The following FAM181B variants were observed in gnomAD, a reference collection of about 807,000 sequenced individuals.
FAM181B encodes protein FAM181B.
A neutral mutation model predicts 17.8 loss-of-function variants in FAM181B; 13 were observed. The ratio of observed to expected loss-of-function variants is 0.73; its 90% CI spans 0.48 to 1.16. The LOEUF (loss-of-function observed/expected upper bound fraction) is 1.16, where lower values mean the gene tolerates loss of function less well. FAM181B is among the 50% of genes most tolerant of loss of function. FAM181B has a pLI of 0.00. For synonymous variants in FAM181B, 338 were observed against 316.5 expected, an observed-to-expected ratio of 1.07 and a Z score of -0.72; for missense variants, 725 against 634.1, an observed-to-expected ratio of 1.14 and a Z score of -1.54.
rs191147873 is a variant in FAM181B, at chr11:82,730,444, A to G, written c.*2005T>C. 6.6e-6 allele frequency: 1 copy of G among 152,394 alleles called. No homozygotes were observed. 9.4% of individuals were successfully genotyped at this position (152,394 alleles called of 1,614,324 possible). On this transcript the variant is annotated 3_prime_UTR_variant, in exon 1 of 1. Transcript: ENST00000329203. ...AACATTACAATGACACTATAGTCTTAGTAACAGTCACAGGGTTATTAATGT... is the reference window on the plus strand; with the variant it reads ...AACATTACAATGACACTATAGTCTTGGTAACAGTCACAGGGTTATTAATGT...
chr11:82,730,567 C>T lies in FAM181B; in HGVS notation c.*1882G>A, dbSNP rs554902800. On this transcript the variant is annotated 3_prime_UTR_variant, in exon 1 of 1. Coordinates refer to ENST00000329203, the MANE Select transcript of FAM181B (RefSeq NM_175885.4). ...ATTCTGTTAGCACAATGGAATTAAT[C>T]ACCTTTAACCACTTTGGAAGAAATC... 2 of 152,308 alleles carry T rather than the reference C, an allele frequency of 1.3e-5. No homozygotes were observed. Among genetic ancestry groups the T allele is most frequent in the South Asian group, 2.1e-4 (1 of 4,824 alleles). 9.4% of individuals were successfully genotyped at this position (152,308 alleles called of 1,614,324 possible).
Position 82,733,473 on chromosome 11 carries a change from T to G in FAM181B, c.257A>C (p.Lys86Thr), listed in dbSNP as rs757934980. The change falls in exon 1 of 1, where the codon AAG becomes ACG. Residue 86 changes from lysine to threonine, a missense_variant. Physicochemically the swap from Lys to Thr is moderately conservative, Grantham distance 78 (BLOSUM62 -1). Transcript: ENST00000329203. Reference protein sequence around the residue: ...NIKLALDKPGKSKRKVNHRKY... With the variant: ...NIKLALDKPGTSKRKVNHRKY... The stretch of plus-strand genomic sequence containing the variant: ...GCGGTGGTTCACCTTCCGCTTCGAC[T>G]TGCCCGGCTTGTCCAGCGCCAGCTT... 1 of 1,600,986 alleles carries G rather than the reference T, an allele frequency of 6.2e-7. No homozygotes were observed. The highest frequency in any genetic ancestry group is 8.5e-7 in the Non-Finnish European group (1 of 1,174,686).
At position 82,733,111 on chromosome 11, in the gene FAM181B, C is replaced by G; in HGVS notation, c.619G>C (p.Gly207Arg). Residue 207 changes from glycine to arginine, a missense_variant, in exon 1 of 1, where the codon GGC (glycine) becomes CGC (arginine). Transcript: ENST00000329203. ...GGGATCGCCGTGGCCCCCGCGGGGC[C>G]TGCCACGTCCCCTCCCGCGCCCCCA... is the stretch of plus-strand genomic sequence containing the variant. ...GTGGAGGDVAGPAGATAIPGA... is the reference protein window; with the variant it reads ...GTGGAGGDVARPAGATAIPGA... 1 of 1,473,862 alleles carries G rather than the reference C, an allele frequency of 6.8e-7. No homozygotes were observed. The highest frequency in any genetic ancestry group is 8.9e-7 in the Non-Finnish European group (1 of 1,122,228). The allele number at this position is 1,473,862 out of a possible 1,614,324, so 91.3% of individuals were successfully genotyped here. A position where few individuals can be genotyped will look rare whatever the true frequency, so the allele number is the denominator to read the frequency against.
chr11:82,733,540 G>A lies in FAM181B; in HGVS notation c.190C>T (p.Arg64Cys), dbSNP rs1424052231. ...AEGGDVREAT[R>C]DLLSFIDSAS... ...GAGTCAATGAAGCTGAGTAGATCGCGGGTGGCCTCGCGCACGTCCCCTCCT... is the reference window on the plus strand; with the variant it reads ...GAGTCAATGAAGCTGAGTAGATCGCAGGTGGCCTCGCGCACGTCCCCTCCT... Residue 64 changes from arginine to cysteine, a missense_variant, in exon 1 of 1, where the codon CGC (arginine) becomes TGC (cysteine). Transcript: ENST00000329203. 3.7e-6 allele frequency: 6 copies of A among 1,607,076 alleles called. No homozygotes were observed. The highest frequency in any genetic ancestry group is 5.1e-6 in the Non-Finnish European group (6 of 1,178,932).
Position 82,733,457 on chromosome 11 carries a change from C to A in FAM181B, c.273G>T (p.Val91=). 6.3e-7 allele frequency: 1 copy of A among 1,595,162 alleles called. No individual in the cohort carries two copies. Among genetic ancestry groups the A allele is most frequent in the Non-Finnish European group, 8.5e-7 (1 of 1,171,402 alleles). Residue 91 remains valine (V), a synonymous_variant, in exon 1 of 1, where the codon GTG becomes GTT. Coordinates refer to ENST00000329203, the MANE Select transcript of FAM181B (RefSeq NM_175885.4). ...GCTTCTGCAGGTACTTGCGGTGGTTCACCTTCCGCTTCGACTTGCCCGGCT... is the reference window on the plus strand; with the variant it reads ...GCTTCTGCAGGTACTTGCGGTGGTTAACCTTCCGCTTCGACTTGCCCGGCT... The part of the protein sequence containing the change: ...LDKPGKSKRK[V]NHRKYLQKQI...
Position 82,733,724 on chromosome 11 carries a change from C to T in FAM181B, c.6G>A (p.Ala2=), listed in dbSNP as rs1857173734. 2 of 1,414,686 alleles carry T rather than the reference C, an allele frequency of 1.4e-6. No homozygotes were observed. The highest frequency in any genetic ancestry group is 1.8e-6 in the Non-Finnish European group (2 of 1,085,032). The allele number at this position is 1,414,686 out of a possible 1,614,324, so 87.6% of individuals were successfully genotyped here. A position where few individuals can be genotyped will look rare whatever the true frequency, so the allele number is the denominator to read the frequency against. M[A]VQAALLSTHP... The stretch of plus-strand genomic sequence containing the variant: ...GCGTGCTGAGGAGCGCCGCCTGCAC[C>T]GCCATCGCCGCGGCTCCCGGGCTGT... The change falls in exon 1 of 1, where the codon GCG becomes GCA. Residue 2 remains alanine (A), a synonymous_variant. Coordinates refer to ENST00000329203, the MANE Select transcript of FAM181B (RefSeq NM_175885.4).
At position 82,732,825 on chromosome 11, in the gene FAM181B, T is replaced by G; in HGVS notation, c.905A>C (p.Glu302Ala). ...CGGCTCAAAGAGGCCGGGCTCCAGC[T>G]CCGGGGGTCCCCGCAGTACGGAGGC... ...AGASVLRGPP[E>A]LEPGLFEPPP... is the part of the protein sequence containing the mutation. Residue 302 changes from glutamate (E) to alanine (A), a missense_variant, in exon 1 of 1, where the codon GAG becomes GCG. Coordinates refer to ENST00000329203, the MANE Select transcript of FAM181B (RefSeq NM_175885.4). 3 of 1,524,776 alleles carry G rather than the reference T, an allele frequency of 2.0e-6. No individual in the cohort carries two copies. Among genetic ancestry groups the G allele is most frequent in the Non-Finnish European group, 2.6e-6 (3 of 1,135,454 alleles). 94.5% of individuals were successfully genotyped at this position (1,524,776 alleles called of 1,614,324 possible). A position where few individuals can be genotyped will look rare whatever the true frequency, so the allele number is the denominator to read the frequency against.
chr11:82,733,198 C>T lies in FAM181B; in HGVS notation c.532G>A (p.Gly178Ser). 1 of 1,328,922 alleles carries T rather than the reference C, an allele frequency of 7.5e-7. No homozygotes were observed. The highest frequency in any genetic ancestry group is 9.5e-7 in the Non-Finnish European group (1 of 1,047,788). The allele number at this position is 1,328,922 out of a possible 1,614,324, so 82.3% of individuals were successfully genotyped here. Residue 178 changes from glycine to serine, a missense_variant, in exon 1 of 1, where the codon GGT (glycine) becomes AGT (serine). Gly to Ser is a moderately conservative substitution (Grantham distance 56, BLOSUM62 0). Coordinates refer to ENST00000329203, the MANE Select transcript of FAM181B (RefSeq NM_175885.4). ...LFDSLRHVPG[G>S]AEPAGGEVAA... is the part of the protein sequence containing the mutation. Reference sequence around the variant, plus strand: ...ACCTCACCCCCCGCCGGCTCGGCACCCCCGGGGACGTGGCGCAGCGAGTCG... The same window carrying T: ...ACCTCACCCCCCGCCGGCTCGGCACTCCCGGGGACGTGGCGCAGCGAGTCG...
Position 82,733,668 on chromosome 11 carries a change from G to T in FAM181B, c.62C>A (p.Ser21Tyr). ...HPFVPFGFGG[S>Y]PDGLGGAFGA... ...GAAGGCGCCCCCTAGCCCGTCCGGG[G>T]AGCCCCCGAAGCCGAAGGGCACGAA... The change falls in exon 1 of 1, where the codon TCC becomes TAC. Residue 21 changes from serine (S) to tyrosine (Y), a missense_variant. Ser to Tyr is a moderately radical substitution (Grantham distance 144). Coordinates refer to ENST00000329203, the MANE Select transcript of FAM181B (RefSeq NM_175885.4). 1 of 1,557,940 alleles carries T rather than the reference G, an allele frequency of 6.4e-7. No homozygotes were observed. Among genetic ancestry groups the T allele is most frequent in the East Asian group, 2.4e-5 (1 of 41,384 alleles).
In FAM181B at chr11:82,733,804, TCCCGCCCCGG is replaced by T; in HGVS notation, c.-85_-76del. 1 of 1,162,792 alleles carries T rather than the reference TCCCGCCCCGG, an allele frequency of 8.6e-7. No homozygotes were observed. The highest frequency in any genetic ancestry group is 1.1e-6 in the Non-Finnish European group (1 of 935,126). The allele number at this position is 1,162,792 out of a possible 1,614,324, so 72.0% of individuals were successfully genotyped here. A position where few individuals can be genotyped will look rare whatever the true frequency, so the allele number is the denominator to read the frequency against. ...CTCCTGCCCGCCGCCCAGACCCAGC[TCCCGCCCCGG>T]CGCGGCGCGCGCGGCGCAGCCTACT... is the stretch of plus-strand genomic sequence containing the variant. On this transcript the variant is annotated 5_prime_UTR_variant, in exon 1 of 1. Coordinates refer to ENST00000329203, the MANE Select transcript of FAM181B (RefSeq NM_175885.4).
Position 82,732,362 on chromosome 11 carries a change from TC to T in FAM181B, c.*86del. Reference sequence around the variant, plus strand: ...TCTGGTTTCATCTCCACGTGCATTTTCCCATCGTTCTTCAGATTTAGGAGAA... The same window carrying T: ...TCTGGTTTCATCTCCACGTGCATTTTCCATCGTTCTTCAGATTTAGGAGAA... On this transcript the variant is annotated 3_prime_UTR_variant, in exon 1 of 1. Transcript: ENST00000329203. 3 of 1,285,168 alleles carry T rather than the reference TC, an allele frequency of 2.3e-6. No homozygotes were observed. The highest frequency in any genetic ancestry group is 3.2e-6 in the Non-Finnish European group (3 of 939,134). 79.6% of individuals were successfully genotyped at this position (1,285,168 alleles called of 1,614,324 possible). A position where few individuals can be genotyped will look rare whatever the true frequency, so the allele number is the denominator to read the frequency against.
At position 82,732,990 on chromosome 11, in the gene FAM181B, C is replaced by G; in HGVS notation, c.740G>C (p.Gly247Ala). Residue 247 changes from glycine (G) to alanine (A), a missense_variant, in exon 1 of 1, where the codon GGG becomes GCG. Transcript: ENST00000329203. ...RAGGGGCGPS[G>A]PDVSLGDLEK... ...CAGGTCGCCCAAGCTCACGTCCGGC[C>G]CCGACGGGCCACACCCGCCGCCGCC... is the stretch of plus-strand genomic sequence containing the variant. The G allele has an allele frequency of 6.4e-7, 1 of 1,560,384 alleles. No individual in the cohort carries two copies. The highest frequency in any genetic ancestry group is 8.6e-7 in the Non-Finnish European group (1 of 1,162,974).
Position 82,733,739 on chromosome 11 carries a change from T to G in FAM181B, c.-10A>C. 1 of 1,392,544 alleles carries G rather than the reference T, an allele frequency of 7.2e-7. No homozygotes were observed. Among genetic ancestry groups the G allele is most frequent in the Middle Eastern group, 2.3e-4 (1 of 4,408 alleles). 86.3% of individuals were successfully genotyped at this position (1,392,544 alleles called of 1,614,324 possible). ...CCGCCTGCACCGCCATCGCCGCGGC[T>G]CCCGGGCTGTCCGCAGCGCTGCCCG... On this transcript the variant is annotated 5_prime_UTR_variant, in exon 1 of 1. Coordinates refer to ENST00000329203, the MANE Select transcript of FAM181B (RefSeq NM_175885.4).
chr11:82,729,957 A>T lies in FAM181B; in HGVS notation c.*2492T>A, dbSNP rs575304886. Reference sequence around the variant, plus strand: ...AGACTGGGTAATTTATAAATGAAAGAGGTTTAATTGACTCACAGTTCCACA... The same window carrying T: ...AGACTGGGTAATTTATAAATGAAAGTGGTTTAATTGACTCACAGTTCCACA... On this transcript the variant is annotated 3_prime_UTR_variant, in exon 1 of 1. Transcript: ENST00000329203. 5.2e-4 allele frequency: 79 copies of T among 152,470 alleles called. No homozygotes were observed. Among genetic ancestry groups the T allele is most frequent in the African/African-American group, 1.9e-3 (79 of 41,586 alleles). The allele number at this position is 152,470 out of a possible 1,614,324, so 9.4% of individuals were successfully genotyped here.
rs1363170466 is a variant in FAM181B, at chr11:82,733,253, G to C, written c.477C>G (p.Ser159Arg). ...REASQAAAAA[S>R]LQSRSLAALF... ...GCGCGGCCAGACTTCGGCTTTGCAA[G>C]CTGGCGGCCGCGGCGGCCTGCGACG... is the stretch of plus-strand genomic sequence containing the variant. Residue 159 changes from serine (S) to arginine (R), a missense_variant, in exon 1 of 1, where the codon AGC becomes AGG. Ser to Arg is a moderately radical substitution (Grantham distance 110). Transcript: ENST00000329203. The C allele has an allele frequency of 4.9e-6, 6 of 1,232,518 alleles. No homozygotes were observed. The highest frequency in any genetic ancestry group is 6.1e-6 in the Non-Finnish European group (6 of 989,510). 76.3% of individuals were successfully genotyped at this position (1,232,518 alleles called of 1,614,324 possible).
At position 82,731,258 on chromosome 11, in the gene FAM181B, G is replaced by A. The variant is rs1190632262; in HGVS notation, c.*1191C>T. On this transcript the variant is annotated 3_prime_UTR_variant, in exon 1 of 1. Transcript: ENST00000329203. ...CACCTTTCTTTATGCCCTTCCGTGG[G>A]GAGAGTGTGGGTATAAGGACTGAGG... The A allele has an allele frequency of 1.3e-5, 2 of 152,248 alleles. No individual in the cohort carries two copies. The highest frequency in any genetic ancestry group is 2.9e-5 in the Non-Finnish European group (2 of 68,086). The allele number at this position is 152,248 out of a possible 1,614,324, so 9.4% of individuals were successfully genotyped here. A position where few individuals can be genotyped will look rare whatever the true frequency, so the allele number is the denominator to read the frequency against.
In FAM181B at chr11:82,732,702, C is replaced by T. The variant is rs1460394961; in HGVS notation, c.1028G>A (p.Gly343Asp). The T allele has an allele frequency of 2.7e-6, 4 of 1,458,390 alleles. No homozygotes were observed. In the East Asian group the frequency reaches 1.0e-4, roughly 37 times the overall value. 90.3% of individuals were successfully genotyped at this position (1,458,390 alleles called of 1,614,324 possible). A position where few individuals can be genotyped will look rare whatever the true frequency, so the allele number is the denominator to read the frequency against. Residue 343 changes from glycine to aspartate, a missense_variant, in exon 1 of 1, where the codon GGC (glycine) becomes GAC (aspartate). By Grantham distance (94) the Gly-to-Asp change is moderately conservative. Coordinates refer to ENST00000329203, the MANE Select transcript of FAM181B (RefSeq NM_175885.4). Reference protein sequence around the residue: ...KKSPLTAPRGGLTLNEPLSPL... With the variant: ...KKSPLTAPRGDLTLNEPLSPL... ...GCTCAAGGGCTCGTTCAAGGTCAAG[C>T]CGCCGCGGGGGGCAGTCAGGGGGCT...
At position 82,730,620 on chromosome 11, in the gene FAM181B, A is replaced by G. The variant is rs1857118264; in HGVS notation, c.*1829T>C. The G allele has an allele frequency of 2.0e-5, 3 of 152,244 alleles. No homozygotes were observed. Among genetic ancestry groups the G allele is most frequent in the Admixed American group, 2.0e-4 (3 of 15,284 alleles). 9.4% of individuals were successfully genotyped at this position (152,244 alleles called of 1,614,324 possible). A position where few individuals can be genotyped will look rare whatever the true frequency, so the allele number is the denominator to read the frequency against. ...ATAGACATTAGCTTTCTGGAGTTGC[A>G]AAAGTTCTTTTCATCATTAACAGTA... is the stretch of plus-strand genomic sequence containing the variant. On this transcript the variant is annotated 3_prime_UTR_variant, in exon 1 of 1. Transcript: ENST00000329203.
Position 82,732,354 on chromosome 11 carries a change from G to T in FAM181B, c.*95C>A. Reference sequence around the variant, plus strand: ...TTTAAAAATCTGGTTTCATCTCCACGTGCATTTTCCCATCGTTCTTCAGAT... The same window carrying T: ...TTTAAAAATCTGGTTTCATCTCCACTTGCATTTTCCCATCGTTCTTCAGAT... On this transcript the variant is annotated 3_prime_UTR_variant, in exon 1 of 1. Coordinates refer to ENST00000329203, the MANE Select transcript of FAM181B (RefSeq NM_175885.4). 1 of 1,196,808 alleles carries T rather than the reference G, an allele frequency of 8.4e-7. No individual in the cohort carries two copies. The highest frequency in any genetic ancestry group is 1.2e-6 in the Non-Finnish European group (1 of 864,626). The allele number at this position is 1,196,808 out of a possible 1,614,324, so 74.1% of individuals were successfully genotyped here.
Sources: allele counts gnomAD v4.1 joint callset, GRCh38; gene constraint gnomAD v4.1.1; transcripts MANE v1.5; gene names NCBI Gene and HGNC (gene_info 2026-07-23, HGNC 2026-07-21).